The following NOX4 variants were observed in gnomAD, a reference collection of about 807,000 sequenced individuals.
NOX4 encodes the protein kidney oxidase-1.
A neutral mutation model predicts 87.6 loss-of-function variants in NOX4; 69 were observed. The observed-to-expected ratio is 0.79, with a 90% CI of 0.65 to 0.96. The LOEUF (loss-of-function observed/expected upper bound fraction) is 0.96. Ranked by LOEUF, NOX4 falls within the 40% of genes least tolerant of loss-of-function variation. The pLI is 0.00. For missense variants in NOX4, 680 were observed against 681.5 expected, an observed-to-expected ratio of 1.00 and a Z score of 0.02; for synonymous variants, 275 against 238.2, an observed-to-expected ratio of 1.15 and a Z score of -1.42.
At chr11:89,422,552 A>G (rs1943135855) in intron 7 of NOX4, among the ~76,000 whole-genome samples, 1 of 152,168 alleles carries the variant, frequency 6.6e-6, no homozygotes, top group African/African-American at 2.4e-5. Context: ...AGAATGTTTG[A>G]GAGAAGTAAA....
At chr11:89,389,001 T>C (rs1940922174) in intron 11 of NOX4, among the ~76,000 whole-genome samples, 1 of 152,212 alleles carries the variant, frequency 6.6e-6, no homozygotes, top group Non-Finnish European at 1.5e-5. Context: ...TTAATTTTCA[T>C]GTCCACAGTC....
At chr11:89,363,750 T>C (rs972567258) in intron 12 of NOX4, among the ~76,000 whole-genome samples, 5 of 152,106 alleles carry the variant, frequency 3.3e-5, no homozygotes, top group African/African-American at 1.2e-4. Context: ...GGAGCATACA[T>C]CTCCCTACTG....
the NOX4 span, among the ~76,000 whole-genome samples, chr11:89,537,476 G>A: frequency 1.3e-5 from 2 of 151,434 alleles, no homozygotes; most frequent in South Asian, 2.1e-4. Flanking sequence ...TACAGTGCTT[G>A]TAAACACCCT....
intron 15 of NOX4, 22 bp from the exon 16 acceptor site, chr11:89,337,537 T>G: frequency 6.2e-7 from 1 of 1,608,292 alleles, no homozygotes; most frequent in East Asian, 2.2e-5. Flanking sequence ...GAAAAAGGAA[T>G]AGACTTATTA....
intron 5 of NOX4, among the ~76,000 whole-genome samples, chr11:89,443,223 T>C (rs1944532708): frequency 6.6e-6 from 1 of 152,170 alleles, no homozygotes; most frequent in Non-Finnish European, 1.5e-5. Flanking sequence ...GTGATTTGTT[T>C]CTGAATTTGT....
At chr11:89,501,794 C>G (rs1947024181), upstream of NOX4, among the ~76,000 whole-genome samples, 1 of 152,040 alleles carries the variant, frequency 6.6e-6, no homozygotes, top group African/African-American at 2.4e-5. Context: ...GAACAAGAGG[C>G]TGGTTAACCC....
intron 11 of NOX4, among the ~76,000 whole-genome samples, chr11:89,391,826 G>A (rs1468831989): frequency 6.6e-6 from 1 of 151,580 alleles, no homozygotes; most frequent in Non-Finnish European, 1.5e-5. Context: ...ACATTAGTAG[G>A]CACTATGCAC....
Position 89,326,668 on chromosome 11 carries a change from T to G in NOX4, c.*88A>C. 5 of 1,157,122 alleles carry G rather than the reference T, an allele frequency of 4.3e-6. No individual in the cohort carries two copies. The highest frequency in any genetic ancestry group is 6.2e-6 in the Non-Finnish European group (5 of 809,846). 71.7% of individuals were successfully genotyped at this position (1,157,122 alleles called of 1,614,324 possible). On this transcript the variant is annotated 3_prime_UTR_variant, in exon 18 of 18. Transcript: ENST00000263317. ...AAGAAAACCTTACTATTCTTTGGCA[T>G]AACACAGCTGATTGATTCCGCTGAG...
chr11:89,364,874 A>T (rs1261248821), intron 12 of NOX4, among the ~76,000 whole-genome samples: 1 of 152,138 alleles, frequency 6.6e-6, no homozygotes, highest in Admixed American at 6.6e-5. Flanking sequence ...GTAGACAAGG[A>T]AACTAAAAAC....
intron 2 of NOX4, among the ~76,000 whole-genome samples, chr11:89,465,885 C>T (rs2135428401): frequency 6.6e-6 from 1 of 151,862 alleles, no homozygotes; most frequent in East Asian, 1.9e-4. Flanking sequence ...AGCCCTTTGT[C>T]AGATGGATAG....
the NOX4 span, among the ~76,000 whole-genome samples, chr11:89,588,474 G>T: frequency 6.6e-6 from 1 of 151,982 alleles, no homozygotes; most frequent in South Asian, 2.1e-4. Context: ...GTCTTAACAG[G>T]TCATAAGTTT....
intron 12 of NOX4, among the ~76,000 whole-genome samples, chr11:89,371,212 C>G (rs1939420673): frequency 6.6e-6 from 1 of 151,916 alleles, no homozygotes; most frequent in Non-Finnish European, 1.5e-5. Flanking sequence ...CAGATAATGA[C>G]ATGACTATTT....
At chr11:89,488,438 C>A (rs1038742345) in intron 2 of NOX4, among the ~76,000 whole-genome samples, 1 of 151,976 alleles carries the variant, frequency 6.6e-6, no homozygotes, top group African/African-American at 2.4e-5. Context: ...TGTTTCTGTG[C>A]ATATGTGATC....
At chr11:89,583,016 T>G in the NOX4 span, among the ~76,000 whole-genome samples, 91 of 152,164 alleles carry the variant, frequency 6.0e-4, 1 homozygote, top group Admixed American at 6.6e-5. Flanking sequence ...AAAATATTAC[T>G]GAATATAACA....
chr11:89,444,254 A>G, intron 4 of NOX4, 22 bp from the exon 5 acceptor site: 2 of 1,598,724 alleles, frequency 1.3e-6, no homozygotes, highest in Non-Finnish European at 1.7e-6. Context: ...CACCAGGGGT[A>G]AGTTAGTGGG....
intron 11 of NOX4, among the ~76,000 whole-genome samples, chr11:89,378,934 C>T (rs1940066617): frequency 6.6e-6 from 1 of 151,962 alleles, no homozygotes; most frequent in Non-Finnish European, 1.5e-5. Flanking sequence ...AACTTTAATG[C>T]TTTTGCATTT....
At chr11:89,578,217 C>T in the NOX4 span, among the ~76,000 whole-genome samples, 2 of 151,284 alleles carry the variant, frequency 1.3e-5, no homozygotes, top group Non-Finnish European at 2.9e-5. Flanking sequence ...GCTGGAGTGC[C>T]GTGGCGTGAT....
the NOX4 span, among the ~76,000 whole-genome samples, chr11:89,536,239 C>T: frequency 1.3e-5 from 2 of 149,120 alleles, no homozygotes; most frequent in Non-Finnish European, 1.5e-5. Flanking sequence ...CTCCGCCTCC[C>T]GGGTTCACGC....
chr11:89,505,554 G>T, the NOX4 span, among the ~76,000 whole-genome samples: 63 of 151,834 alleles, frequency 4.1e-4, no homozygotes, highest in African/African-American at 1.4e-3. Flanking sequence ...TATGGGAGAG[G>T]TCTCTGAAAT....
Sources: gnomAD v4.1 joint callset for allele counts (sites outside exome capture counted in the v4.1 genomes callset) on GRCh38, gnomAD v4.1.1 for gene constraint, MANE v1.5 for transcripts, NCBI Gene and HGNC (gene_info 2026-07-23, HGNC 2026-07-21) for gene names.